PDZD2: variants seen among roughly 807,000 people sequenced by gnomAD.
PDZD2 encodes PDZ domain-containing protein 2.
PDZD2 carries 90 observed loss-of-function variants against 220.7 expected under a neutral mutation model. The observed-to-expected ratio is 0.41, with a 90% CI of 0.34 to 0.49. The LOEUF is 0.49. Among genes scored for constraint, PDZD2 ranks in the 20% least tolerant of loss-of-function variants. The probability of loss-of-function intolerance (pLI) is 0.28; values close to 1 mark genes in which losing one functional copy is unlikely to be tolerated. For missense variants in PDZD2, 3,174 were observed against 3,608.5 expected, an observed-to-expected ratio of 0.88 and a Z score of 3.08; for synonymous variants, 1,375 against 1,450.5, an observed-to-expected ratio of 0.95 and a Z score of 1.18.
At chr5:31,725,871 T>C in intron 1 of PDZD2, 1 of 767,958 alleles carries the variant, frequency 1.3e-6, no homozygotes, top group Non-Finnish European at 2.4e-6. Flanking sequence ...GGTCTTCCAG[T>C]TGGTCTTTTT....
intron 2 of PDZD2, among the ~76,000 whole-genome samples, chr5:31,835,574 G>A (rs1449545213): frequency 2.0e-5 from 3 of 150,038 alleles, no homozygotes; most frequent in South Asian, 2.1e-4. Flanking sequence ...CCAAGATCGC[G>A]CCACTGCACT....
intron 2 of PDZD2, among the ~76,000 whole-genome samples, chr5:31,826,881 C>A (rs1276411023): frequency 6.6e-6 from 1 of 152,060 alleles, no homozygotes; most frequent in African/African-American, 2.4e-5. Flanking sequence ...ATTGGATAAA[C>A]CCATCTATTA....
chr5:31,889,548 G>C (rs1393632837), intron 2 of PDZD2, among the ~76,000 whole-genome samples: 1 of 152,196 alleles, frequency 6.6e-6, no homozygotes, highest in African/African-American at 2.4e-5. Context: ...GTAGGACTGT[G>C]TAAATAATAG....
intron 2 of PDZD2, among the ~76,000 whole-genome samples, chr5:31,911,158 G>A (rs1391160190): frequency 6.6e-6 from 1 of 152,182 alleles, no homozygotes; most frequent in African/African-American, 2.4e-5. Flanking sequence ...TGTATGGTAT[G>A]TAAGCCAAAT....
At chr5:31,840,800 A>G (rs1231746939) in intron 2 of PDZD2, 27 of 785,164 alleles carry the variant, frequency 3.4e-5, no homozygotes, top group Admixed American at 2.4e-4. Context: ...CCGTTTTGCC[A>G]TGGTGACACC....
At chr5:31,719,087 C>T (rs1748627845) in intron 1 of PDZD2, among the ~76,000 whole-genome samples, 1 of 152,124 alleles carries the variant, frequency 6.6e-6, no homozygotes, top group South Asian at 2.1e-4. Flanking sequence ...TTAGTTTCAA[C>T]ATATGAATTT....
intron 8 of PDZD2, among the ~76,000 whole-genome samples, chr5:32,052,146 T>C (rs889646391): frequency 1.3e-4 from 20 of 152,332 alleles, no homozygotes; most frequent in African/African-American, 4.3e-4. Flanking sequence ...TAGGGGCTAT[T>C]CTTCCGATAG....
chr5:31,777,904 G>C (rs533983990), intron 1 of PDZD2, among the ~76,000 whole-genome samples: 2 of 152,340 alleles, frequency 1.3e-5, no homozygotes, highest in Admixed American at 1.3e-4. Context: ...CTAGCTAAAG[G>C]TTTATAAACA....
intron 3 of PDZD2, among the ~76,000 whole-genome samples, chr5:31,985,997 C>T (rs905623619): frequency 6.7e-6 from 1 of 148,894 alleles, no homozygotes; most frequent in African/African-American, 2.5e-5. Context: ...ATTGCTTGAA[C>T]CTGGGAGGCG....
chr5:32,010,911 G>A lies in PDZD2; in HGVS notation c.1407+429G>A, dbSNP rs527298616. Among the ~76,000 whole-genome samples, 7 of 147,774 alleles carry A rather than the reference G, an allele frequency of 4.7e-5. No homozygotes were observed. In the South Asian group the frequency reaches 6.6e-4, roughly 14 times the overall value. ...CTCAGGAGGCTGAGGCAAGAGAATC[G>A]TCTTGAGCCCAGGAGGCAGAGGTTG... is the stretch of plus-strand genomic sequence containing the variant. On this transcript the variant is annotated intron_variant, in intron 6 of 24. Transcript: ENST00000438447.
chr5:31,929,211 C>T (rs1306811904), intron 2 of PDZD2, among the ~76,000 whole-genome samples: 3 of 152,166 alleles, frequency 2.0e-5, no homozygotes, highest in Non-Finnish European at 2.9e-5. Context: ...TGATTTTGTC[C>T]AACCTGCTTC....
intron 2 of PDZD2, among the ~76,000 whole-genome samples, chr5:31,982,880 A>C (rs1750409445): frequency 6.6e-6 from 1 of 152,142 alleles, no homozygotes; most frequent in South Asian, 2.1e-4. Flanking sequence ...TCCTAGAAAA[A>C]TCCTTCTCCA....
rs1465656188 is a variant in PDZD2 at position 32,083,581 on chromosome 5, C to A, written c.3683-3550C>A. 1 of 152,176 alleles carries A rather than the reference C, an allele frequency of 6.6e-6. No individual in the cohort carries two copies. Among genetic ancestry groups the A allele is most frequent in the African/African-American group, 2.4e-5 (1 of 41,430 alleles). The allele number at this position is 152,176 out of a possible 1,614,324, so 9.4% of individuals were successfully genotyped here. A position where few individuals can be genotyped will look rare whatever the true frequency, so the allele number is the denominator to read the frequency against. On this transcript the variant is annotated intron_variant, in intron 19 of 24. Transcript: ENST00000438447. This position sits in a 1 kb window ranked among gnomAD's most constrained non-coding sequence, Gnocchi z 4.1. ...GGCTGCCTCAGTGTAACCTCGTCTC[C>A]CTCAGATGAAGACCTTTTAAGTTAC...
intron 2 of PDZD2, among the ~76,000 whole-genome samples, chr5:31,948,398 G>C (rs1183836869): frequency 6.6e-6 from 1 of 152,162 alleles, no homozygotes; most frequent in Non-Finnish European, 1.5e-5. Context: ...TTCCAGACTA[G>C]ATTAAGAACC....
intron 1 of PDZD2, among the ~76,000 whole-genome samples, chr5:31,702,336 G>A (rs1747643828): frequency 6.6e-6 from 1 of 152,220 alleles, no homozygotes; most frequent in South Asian, 2.1e-4. Flanking sequence ...TACTATAGCT[G>A]TTAAGCGGTG....
At chr5:31,742,204 C>T (rs1278754315) in intron 1 of PDZD2, 1 of 152,162 alleles carries the variant, frequency 6.6e-6, no homozygotes, top group Non-Finnish European at 1.5e-5. Context: ...ACTTTCTTCA[C>T]GGGGTTATTG....
chr5:32,022,976 C>T (rs1754341923), intron 6 of PDZD2, among the ~76,000 whole-genome samples: 1 of 152,012 alleles, frequency 6.6e-6, no homozygotes, highest in African/African-American at 2.4e-5. Context: ...TACCTAGTCC[C>T]ATTGAGAGGT....
chr5:31,863,636 TA>T (rs1156974234), intron 2 of PDZD2, among the ~76,000 whole-genome samples: 1 of 152,212 alleles, frequency 6.6e-6, no homozygotes, highest in African/African-American at 2.4e-5. Context: ...CTTGTGGGGA[TA>T]GGGGATGACG....
rs748902809 is a variant in PDZD2, at chr5:32,087,913, G to C, written c.4465G>C (p.Ala1489Pro). Residue 1489 changes from alanine to proline, a missense_variant, in exon 20 of 25, where the codon GCT becomes CCT. Ala to Pro is a conservative substitution (Grantham distance 27). Around this residue, in one of 4 missense-constraint regions of PDZD2, gnomAD observed 1,861 missense variants for 2,001.0 expected, o/e 0.93. Transcript: ENST00000438447. This position sits in a 1 kb window ranked among gnomAD's most constrained non-coding sequence, Gnocchi z 4.0. ...QTSSPRRAWA[A>P]GAPAYPQWAS... ...CTCCTCCCCGAGGAGGGCCTGGGCT[G>C]CTGGTGCCCCCGCCTACCCACAATG... 6.2e-7 allele frequency: 1 copy of C among 1,613,714 alleles called. No individual in the cohort carries two copies. The highest frequency in any genetic ancestry group is 8.5e-7 in the Non-Finnish European group (1 of 1,179,884).
Sources: allele counts gnomAD v4.1 joint callset (sites outside exome capture counted in the v4.1 genomes callset), GRCh38; gene constraint gnomAD v4.1.1; regional missense constraint gnomAD v4.1.1; non-coding constraint Gnocchi (gnomAD v3.1); transcripts MANE v1.5; gene names NCBI Gene and HGNC (gene_info 2026-07-23, HGNC 2026-07-21).